The following RLBP1 variants were observed in gnomAD, a reference collection of about 807,000 sequenced individuals.
The protein encoded by RLBP1 is retinaldehyde-binding protein 1.
In RLBP1, 26 loss-of-function variants were observed where a neutral mutation model predicts 36.2. The ratio of observed to expected loss-of-function variants is 0.72; its 90% CI spans 0.53 to 1.00. The LOEUF is 1.00. Ranked by LOEUF, RLBP1 falls within the 50% of genes least tolerant of loss-of-function variation. The probability of loss-of-function intolerance (pLI) is 0.00; values close to 1 mark genes in which losing one functional copy is unlikely to be tolerated. For missense variants in RLBP1, 410 were observed against 402.4 expected (o/e 1.02, Z -0.16); for synonymous variants, 155 against 156.2 (o/e 0.99, Z 0.06).
rs1487595253 is a variant in RLBP1 at position 89,215,114 on chromosome 15, C to T, written c.471G>A (p.Val157=). ...AGTTCTCAATGTTGAAGAGCATGAC[C>T]ACTCGGCCATACTTGTCCCGACTAG... The part of the protein sequence containing the change: ...VLSSRDKYGR[V]VMLFNIENWQ... Residue 157 remains valine (V), a synonymous_variant, in exon 6 of 9, where the codon GTG becomes GTA. Coordinates refer to ENST00000268125, the MANE Select transcript of RLBP1 (RefSeq NM_000326.5). 1.2e-6 allele frequency: 2 copies of T among 1,614,216 alleles called. No individual in the cohort carries two copies. Among genetic ancestry groups the T allele is most frequent in the East Asian group, 4.5e-5 (2 of 44,884 alleles).
chr15:89,215,798 C>T (rs2051575338), intron 5 of RLBP1, among the ~76,000 whole-genome samples: 2 of 152,194 alleles, frequency 1.3e-5, no homozygotes, highest in Admixed American at 6.5e-5. Flanking sequence ...GACCTGGGCA[C>T]CTCTGCCAAG....
intron 5 of RLBP1, 41 bp from the exon 6 acceptor site, chr15:89,215,279 C>A (rs757061165): frequency 1.9e-6 from 3 of 1,598,836 alleles, no homozygotes; most frequent in African/African-American, 2.7e-5. Flanking sequence ...AGGGAGCCAT[C>A]CCATCCCTAC....
At chr15:89,219,176 G>A in intron 2 of RLBP1, 101 bp from the exon 3 acceptor site, 1 of 665,112 alleles carries the variant, frequency 1.5e-6, no homozygotes, top group South Asian at 1.7e-5. Context: ...AGAAACGCAG[G>A]TGCCTGGGTC....
chr15:89,220,186 T>G (rs1024801801), intron 1 of RLBP1, among the ~76,000 whole-genome samples: 1 of 152,072 alleles, frequency 6.6e-6, no homozygotes, highest in African/African-American at 2.4e-5. Context: ...AGCCAAGACA[T>G]CTGAAGACAA....
At chr15:89,216,811 G>A (rs1046878310) in intron 5 of RLBP1, among the ~76,000 whole-genome samples, 4 of 152,196 alleles carry the variant, frequency 2.6e-5, no homozygotes, top group African/African-American at 9.6e-5. Context: ...CTCATGGTGG[G>A]GGTCTGGAGG....
intron 6 of RLBP1, among the ~76,000 whole-genome samples, chr15:89,213,599 T>G (rs2051555600): frequency 1.3e-5 from 2 of 152,178 alleles, no homozygotes; most frequent in African/African-American, 4.8e-5. Flanking sequence ...TTTTAAAACC[T>G]TTTTATTTTT....
intron 1 of RLBP1, among the ~76,000 whole-genome samples, chr15:89,220,671 T>C (rs769610518): frequency 6.6e-6 from 1 of 152,276 alleles, no homozygotes. Flanking sequence ...GAAATGCTGC[T>C]GTGCTATCAG....
At chr15:89,212,227 A>T (rs2051544156) in intron 6 of RLBP1, among the ~76,000 whole-genome samples, 1 of 152,196 alleles carries the variant, frequency 6.6e-6, no homozygotes, top group Non-Finnish European at 1.5e-5. Context: ...AATACAGAAG[A>T]CTAATAATAC....
Position 89,217,187 on chromosome 15 carries a change from G to A in RLBP1, c.279C>T (p.Ser93=), listed in dbSNP as rs985098836. The A allele has an allele frequency of 6.2e-6, 10 of 1,613,944 alleles. No individual in the cohort carries two copies. The highest frequency in any genetic ancestry group is 1.1e-5 in the South Asian group (1 of 91,086). The change falls in exon 5 of 9, where the codon AGC becomes AGT. Residue 93 remains serine, a synonymous_variant. Transcript: ENST00000268125. ...AVAERVQEKD[S]GFFLRFIRAR... ...CGCGGATGAAGCGCAGGAAGAAGCC[G>A]CTGTCCTTCTCTTGCACCCTCTCCG... is the stretch of plus-strand genomic sequence containing the variant.
In RLBP1 at chr15:89,211,847, G is replaced by C; in HGVS notation, c.580C>G (p.Gln194Glu). The C allele has an allele frequency of 6.2e-7, 1 of 1,614,200 alleles. No individual in the cohort carries two copies. The highest frequency in any genetic ancestry group is 8.5e-7 in the Non-Finnish European group (1 of 1,180,030). Residue 194 changes from glutamine to glutamate, a missense_variant, in exon 7 of 9, where the codon CAA becomes GAA. By Grantham distance (29) the Gln-to-Glu change is conservative (BLOSUM62 2). Coordinates refer to ENST00000268125, the MANE Select transcript of RLBP1 (RefSeq NM_000326.5). The surrounding 1 kb of genome is among the most constrained non-coding windows in gnomAD (Gnocchi z 5.8). ...LEKLLENEET[Q>E]INGFCIIENF... is the part of the protein sequence containing the mutation. Reference sequence around the variant, plus strand: ...TCAATGATGCAGAAGCCATTGATTTGAGTTTCCTCATTCTCCAGCAGCTTC... The same window carrying C: ...TCAATGATGCAGAAGCCATTGATTTCAGTTTCCTCATTCTCCAGCAGCTTC...
chr15:89,217,366 G>A (rs2051591227), intron 4 of RLBP1, 42 bp from the exon 5 acceptor site: 3 of 1,581,986 alleles, frequency 1.9e-6, no homozygotes, highest in Non-Finnish European at 2.6e-6. Flanking sequence ...ACTTAGGTGC[G>A]GGTGAGGGGC....
chr15:89,210,600 T>C lies in RLBP1; in HGVS notation c.795+99A>G. 8.2e-7 allele frequency: 1 copy of C among 1,226,134 alleles called. No individual in the cohort carries two copies. The highest frequency in any genetic ancestry group is 1.3e-5 in the South Asian group (1 of 77,624). The allele number at this position is 1,226,134 out of a possible 1,614,324, so 76.0% of individuals were successfully genotyped here. On this transcript the variant is annotated intron_variant, in intron 8 of 8. Transcript: ENST00000268125. The surrounding 1 kb of genome is among the most constrained non-coding windows in gnomAD (Gnocchi z 4.7). ...GTCTCCATGTTGGGTGTCAGTGGGATCCACATAGCTCAGGACCATGGTAGA... is the reference window on the plus strand; with the variant it reads ...GTCTCCATGTTGGGTGTCAGTGGGACCCACATAGCTCAGGACCATGGTAGA...
rs546605973 is a variant in RLBP1 at position 89,221,252 on chromosome 15, G to A, written c.-224+283C>T. ...TCGAACTCCTGACCTCAGGTGATCTGCCTGCCTCGGCCTCCCAAAGTGCTG... is the reference window on the plus strand; with the variant it reads ...TCGAACTCCTGACCTCAGGTGATCTACCTGCCTCGGCCTCCCAAAGTGCTG... On this transcript the variant is annotated intron_variant, in intron 1 of 8. Transcript: ENST00000268125. 2.0e-5 allele frequency among the ~76,000 whole-genome samples: 3 copies of A among 152,224 alleles called. No individual in the cohort carries two copies. The South Asian group carries it at 6.2e-4, about 32-fold the overall frequency.
chr15:89,220,431 TC>T (rs1460833344), intron 1 of RLBP1, among the ~76,000 whole-genome samples: 1 of 152,176 alleles, frequency 6.6e-6, no homozygotes, highest in African/African-American at 2.4e-5. Context: ...AAAGCATAGT[TC>T]CCCTTCTCTT....
At chr15:89,213,334 C>T (rs527250455) in intron 6 of RLBP1, among the ~76,000 whole-genome samples, 87 of 151,744 alleles carry the variant, frequency 5.7e-4, no homozygotes, top group Admixed American at 2.6e-3. Context: ...ACTATCTCCT[C>T]TACTTACAGA....
intron 1 of RLBP1, among the ~76,000 whole-genome samples, chr15:89,220,526 C>T (rs1176253938): frequency 6.6e-6 from 1 of 152,180 alleles, no homozygotes; most frequent in Admixed American, 6.5e-5. Flanking sequence ...TCCCCCATTT[C>T]CTGCTCTTTC....
chr15:89,220,682 T>C (rs1037118502), intron 1 of RLBP1, among the ~76,000 whole-genome samples: 2 of 151,998 alleles, frequency 1.3e-5, no homozygotes, highest in African/African-American at 4.8e-5. Context: ...GTGCTATCAG[T>C]TGGGTTTTGC....
chr15:89,212,517 A>C (rs959589166), intron 6 of RLBP1, among the ~76,000 whole-genome samples: 2 of 150,604 alleles, frequency 1.3e-5, no homozygotes, highest in Non-Finnish European at 1.5e-5. Context: ...CTTGAGAGGC[A>C]GAGGTTGCAG....
At position 89,215,166 on chromosome 15, in the gene RLBP1, A is replaced by G. The variant is rs750679782; in HGVS notation, c.419T>C (p.Ile140Thr). The G allele has an allele frequency of 7.4e-6, 12 of 1,614,036 alleles. No homozygotes were observed. Among genetic ancestry groups the G allele is most frequent in the East Asian group, 2.2e-5 (1 of 44,884 alleles). Residue 140 changes from isoleucine to threonine, a missense_variant, in exon 6 of 9, where the codon ATT becomes ACT. By Grantham distance (89) the Ile-to-Thr change is moderately conservative (BLOSUM62 -1). Transcript: ENST00000268125. ...SLSPEAVRCT[I>T]EAGYPGVLSS... ...GAGGACACCAGGGTAGCCAGCTTCA[A>G]TGGTGCAGCGGACAGCCTCTGGGGA...
Sources: gnomAD v4.1 joint callset for allele counts (sites outside exome capture counted in the v4.1 genomes callset) on GRCh38, gnomAD v4.1.1 for gene constraint, Gnocchi (gnomAD v3.1) non-coding constraint, MANE v1.5 for transcripts, NCBI Gene and HGNC (gene_info 2026-07-23, HGNC 2026-07-21) for gene names.